CR1L: variants seen among roughly 807,000 people sequenced by gnomAD.
CR1L encodes the protein complement C3b/C4b receptor 1 like.
In CR1L, 59 loss-of-function variants were observed where a neutral mutation model predicts 62.3. The ratio of observed to expected loss-of-function variants is 0.95; its 90% CI spans 0.77 to 1.18. The LOEUF (loss-of-function observed/expected upper bound fraction) is 1.18. Ranked by LOEUF, CR1L falls within the 50% of genes most tolerant of loss-of-function variation. The pLI, the probability that CR1L is intolerant of heterozygous loss-of-function variation, is 0.00. For synonymous variants in CR1L, 279 were observed against 248.7 expected (o/e 1.12, Z -1.15); for missense variants, 700 against 702.8 (o/e 1.00, Z 0.04).
intron 1 of CR1L, among the ~76,000 whole-genome samples, chr1:207,672,632 C>G (rs1429960162): frequency 6.6e-6 from 1 of 152,022 alleles, no homozygotes; most frequent in Non-Finnish European, 1.5e-5. Context: ...CTCTGGCTCA[C>G]ATTCATGGGG....
At chr1:207,671,261 A>G (rs1456632309) in intron 1 of CR1L, among the ~76,000 whole-genome samples, 1 of 151,018 alleles carries the variant, frequency 6.6e-6, no homozygotes, top group Non-Finnish European at 1.5e-5. Flanking sequence ...CTGAAAAACC[A>G]TGACTAAGCA....
intron 10 of CR1L, among the ~76,000 whole-genome samples, chr1:207,710,145 A>G (rs1189917221): frequency 6.6e-6 from 1 of 152,136 alleles, no homozygotes; most frequent in South Asian, 2.1e-4. Flanking sequence ...GGAGTTCAAG[A>G]CCAGCATGGC....
At chr1:207,719,049 A>AT (rs1480018515) in intron 11 of CR1L, among the ~76,000 whole-genome samples, 1 of 139,316 alleles carries the variant, frequency 7.2e-6, no homozygotes, top group African/African-American at 2.7e-5. Flanking sequence ...ATAGGTGGGA[A>AT]TTGAACAATG....
intron 1 of CR1L, among the ~76,000 whole-genome samples, chr1:207,672,802 C>A (rs1414391881): frequency 6.6e-6 from 1 of 152,094 alleles, no homozygotes; most frequent in Non-Finnish European, 1.5e-5. Flanking sequence ...AAGGGTAATT[C>A]CAATTTGCTT....
In CR1L at chr1:207,645,178, G is replaced by C; in HGVS notation, c.-56G>C. On this transcript the variant is annotated 5_prime_UTR_variant, in exon 1 of 12. Coordinates refer to ENST00000508064, the MANE Select transcript of CR1L (RefSeq NM_175710.2). ...TCAGAAGGGACTTCCCTGCTCGGCT[G>C]GCTTTCGGTTTCTCTGCTCACCTCC... 1 of 1,572,372 alleles carries C rather than the reference G, an allele frequency of 6.4e-7. No homozygotes were observed. Among genetic ancestry groups the C allele is most frequent in the Non-Finnish European group, 8.7e-7 (1 of 1,146,836 alleles).
chr1:207,663,449 C>T (rs1003364259), intron 1 of CR1L, among the ~76,000 whole-genome samples: 2 of 152,228 alleles, frequency 1.3e-5, no homozygotes, highest in Non-Finnish European at 2.9e-5. Context: ...GAGCCATGTG[C>T]GGGATATAAT....
intron 3 of CR1L, among the ~76,000 whole-genome samples, chr1:207,679,358 TA>T (rs1273794903): frequency 2.0e-5 from 3 of 152,012 alleles, no homozygotes; most frequent in Admixed American, 2.0e-4. Context: ...GGGCCCACAC[TA>T]ACAACTTCAT....
At chr1:207,715,696 T>C (rs1653979279) in intron 10 of CR1L, among the ~76,000 whole-genome samples, 1 of 151,914 alleles carries the variant, frequency 6.6e-6, no homozygotes, top group Non-Finnish European at 1.5e-5. Flanking sequence ...TTATAAGGAG[T>C]AATCTTTCTT....
Position 207,669,599 on chromosome 1 carries a change from G to GC in CR1L, c.98-7789dup, listed in dbSNP as rs2102452301. On this transcript the variant is annotated intron_variant, in intron 1 of 11. Coordinates refer to ENST00000508064, the MANE Select transcript of CR1L (RefSeq NM_175710.2). ...CTGGGGGGCGTGGGGAGGCGCCCGG[G>GC]CTGACGAGGCACCCAGGGCCCCGCA... The GC allele has an allele frequency of 2.4e-6, 3 of 1,269,262 alleles. No individual in the cohort carries two copies. The East Asian group carries it at 7.5e-5, about 32-fold the overall frequency. 78.6% of individuals were successfully genotyped at this position (1,269,262 alleles called of 1,614,324 possible). A position where few individuals can be genotyped will look rare whatever the true frequency, so the allele number is the denominator to read the frequency against.
chr1:207,657,432 G>C (rs80095068), intron 1 of CR1L: 7 of 575,806 alleles, frequency 1.2e-5, no homozygotes, highest in Admixed American at 3.0e-5. Flanking sequence ...CTGTGTAATT[G>C]GATCTAATTT....
In CR1L at chr1:207,708,219, C is replaced by G; in HGVS notation, c.1370C>G (p.Ser457Trp). 2.5e-6 allele frequency: 4 copies of G among 1,611,476 alleles called. No homozygotes were observed. The highest frequency in any genetic ancestry group is 3.4e-6 in the Non-Finnish European group (4 of 1,179,454). The change falls in exon 10 of 12, where the codon TCG (serine) becomes TGG (tryptophan). Residue 457 changes from serine to tryptophan, a missense_variant. Transcript: ENST00000508064. ...CACTCATCTGCTGAATGTATCCTCT[C>G]GGGCAATACTGCCCATTGGAGCATG... ...IGHSSAECILSGNTAHWSMKP... is the reference protein window; with the variant it reads ...IGHSSAECILWGNTAHWSMKP...
intron 3 of CR1L, among the ~76,000 whole-genome samples, chr1:207,679,090 G>A (rs561799053): frequency 2.7e-4 from 41 of 149,218 alleles, no homozygotes; most frequent in African/African-American, 8.9e-4. Flanking sequence ...TCCACCTCCC[G>A]GGTTCCTGCC....
intron 3 of CR1L, among the ~76,000 whole-genome samples, chr1:207,680,191 G>A (rs1317468836): frequency 1.3e-5 from 2 of 152,182 alleles, no homozygotes; most frequent in Admixed American, 1.3e-4. Flanking sequence ...AATAGGGGAG[G>A]CTATCCATGT....
At chr1:207,671,060 G>A (rs1432883229) in intron 1 of CR1L, among the ~76,000 whole-genome samples, 1 of 150,970 alleles carries the variant, frequency 6.6e-6, no homozygotes, top group Non-Finnish European at 1.5e-5. Context: ...CAGTGTTCTG[G>A]TTTTTCCAGA....
Position 207,655,964 on chromosome 1 carries a change from C to T in CR1L, c.97+10634C>T, listed in dbSNP as rs566606318. On this transcript the variant is annotated intron_variant, in intron 1 of 11. Coordinates refer to ENST00000508064, the MANE Select transcript of CR1L (RefSeq NM_175710.2). ...AATATCACTATACACTTCTGCCCGGCGCAGTGGCTCAGGCCTGTAATCCCA... is the reference window on the plus strand; with the variant it reads ...AATATCACTATACACTTCTGCCCGGTGCAGTGGCTCAGGCCTGTAATCCCA... Among the ~76,000 whole-genome samples, 6 of 152,246 alleles carry T rather than the reference C, an allele frequency of 3.9e-5. No individual in the cohort carries two copies. In the South Asian group the frequency reaches 1.0e-3, roughly 26 times the overall value.
chr1:207,655,245 G>C lies in CR1L; in HGVS notation c.97+9915G>C. On this transcript the variant is annotated intron_variant, in intron 1 of 11. Transcript: ENST00000508064. ...TTGTGAACTTAAAGGATCAGTAGCA[G>C]TTTGGAGCAGTAAGCCCCCAATATG... 5.9e-6 allele frequency: 4 copies of C among 680,902 alleles called. No individual in the cohort carries two copies. The South Asian group carries it at 6.4e-5, about 11-fold the overall frequency. The allele number at this position is 680,902 out of a possible 1,614,324, so 42.2% of individuals were successfully genotyped here.
In CR1L at chr1:207,709,795, A is replaced by G. The variant is rs147315936; in HGVS notation, c.1414+1532A>G. Among the ~76,000 whole-genome samples the G allele has an allele frequency of 5.2e-3, 768 of 148,112 alleles. 5 individuals carry two copies. Among genetic ancestry groups the G allele is most frequent in the African/African-American group, 0.018 (724 of 40,176 alleles). On this transcript the variant is annotated intron_variant, in intron 10 of 11. Coordinates refer to ENST00000508064, the MANE Select transcript of CR1L (RefSeq NM_175710.2). ...AAGGTTGCAGTGAGCCAAGATCATG[A>G]TACTGCACTCCAGCCTGGGCAACAG...
At chr1:207,720,935 C>T (rs1339760550) in intron 11 of CR1L, among the ~76,000 whole-genome samples, 1 of 152,160 alleles carries the variant, frequency 6.6e-6, no homozygotes, top group African/African-American at 2.4e-5. Context: ...CCCAGACTGT[C>T]TCTCAATAGT....
chr1:207,702,406 C>A (rs1345973929), intron 9 of CR1L, among the ~76,000 whole-genome samples: 1 of 152,140 alleles, frequency 6.6e-6, no homozygotes, highest in Admixed American at 6.5e-5. Context: ...CAATTAATAG[C>A]CCTACAATGG....
Sources: allele counts gnomAD v4.1 joint callset (sites outside exome capture counted in the v4.1 genomes callset), GRCh38; gene constraint gnomAD v4.1.1; transcripts MANE v1.5; gene names NCBI Gene and HGNC (gene_info 2026-07-23, HGNC 2026-07-21).